Variants in USP28 observed in about 807,000 individuals in gnomAD.
USP28 encodes ubiquitin carboxyl-terminal hydrolase 28.
In USP28, 113 loss-of-function variants were observed where a neutral mutation model predicts 145.0. The ratio of observed to expected loss-of-function variants is 0.78; its 90% confidence interval spans 0.67 to 0.91. USP28 has a LOEUF of 0.91. Ranked by LOEUF, USP28 falls within the 40% of genes least tolerant of loss-of-function variation. The probability of loss-of-function intolerance (pLI) is 0.00; values close to 1 mark genes in which losing one functional copy is unlikely to be tolerated. For missense variants in USP28, 1,201 were observed against 1,289.6 expected (o/e 0.93, Z 1.05); for synonymous variants, 447 against 450.9 (o/e 0.99, Z 0.11).
intron 1 of USP28, among the ~76,000 whole-genome samples, chr11:113,859,817 G>A (rs1947458075): frequency 6.6e-6 from 1 of 152,162 alleles, no homozygotes; most frequent in Non-Finnish European, 1.5e-5. Context: ...AGAGCCAACA[G>A]GTTTGCATTT....
chr11:113,836,715 C>T (rs554034701), intron 5 of USP28, among the ~76,000 whole-genome samples: 1 of 152,308 alleles, frequency 6.6e-6, no homozygotes, highest in African/African-American at 2.4e-5. Flanking sequence ...CCATGGGTCT[C>T]TCCCTGTGCA....
intron 3 of USP28, among the ~76,000 whole-genome samples, chr11:113,849,723 G>A (rs1407773812): frequency 6.6e-6 from 1 of 152,064 alleles, no homozygotes; most frequent in African/African-American, 2.4e-5. Flanking sequence ...AGAACAAAAC[G>A]CCAATAAGAA....
At chr11:113,809,035 T>A in intron 17 of USP28, 28 bp downstream of exon 17, 1 of 1,603,308 alleles carries the variant, frequency 6.2e-7, no homozygotes, top group Non-Finnish European at 8.5e-7. Context: ...TGTTACTGGA[T>A]CACTGGCATA....
intron 12 of USP28, among the ~76,000 whole-genome samples, chr11:113,820,668 C>T (rs911998012): frequency 2.0e-5 from 3 of 152,174 alleles, no homozygotes; most frequent in Non-Finnish European, 2.9e-5. Flanking sequence ...GGACACTTAA[C>T]CAGACACAGG....
intron 21 of USP28, 120 bp downstream of exon 22, chr11:113,804,553 G>A: frequency 1.2e-6 from 1 of 816,886 alleles, no homozygotes; most frequent in Non-Finnish European, 1.9e-6. Flanking sequence ...CCAGGATTTT[G>A]AGGGGAAAGT....
rs146563434 is a variant in USP28, at chr11:113,865,540, A to G, written c.57+9905T>C. 5.3e-5 allele frequency among the ~76,000 whole-genome samples: 8 copies of G among 152,190 alleles called. No homozygotes were observed. In the East Asian group the frequency reaches 1.5e-3, roughly 29 times the overall value. On this transcript the variant is annotated intron_variant, in intron 1 of 24. Transcript: ENST00000003302. ...AATAGAACTGAGAATCCAGAAATAA[A>G]CTCGTATCTGTGGTCAACTGATTTT...
rs529534045 is a variant in USP28, at chr11:113,864,878, T to C, written c.58-10543A>G. Among the ~76,000 whole-genome samples the C allele has an allele frequency of 9.7e-4, 147 of 152,254 alleles. 1 individual carries two copies. The highest frequency in any genetic ancestry group is 1.1e-3 in the Non-Finnish European group (73 of 67,996). Reference sequence around the variant, plus strand: ...TGAAGACAGTATTGTTTTTTGGAGATGGGGTCTGTCTCTGTCACCCAGGCT... The same window carrying C: ...TGAAGACAGTATTGTTTTTTGGAGACGGGGTCTGTCTCTGTCACCCAGGCT... On this transcript the variant is annotated intron_variant, in intron 1 of 24. Coordinates refer to ENST00000003302, the Ensembl canonical transcript of USP28.
rs551574540 is a variant in USP28, at chr11:113,865,572, G to C, written c.57+9873C>G. On this transcript the variant is annotated intron_variant, in intron 1 of 24. Transcript: ENST00000003302. Reference sequence around the variant, plus strand: ...TCTGTGGTCAACTGATTTTCAACCAGAGTGCCAACACCATTTGATGGGGGA... The same window carrying C: ...TCTGTGGTCAACTGATTTTCAACCACAGTGCCAACACCATTTGATGGGGGA... Among the ~76,000 whole-genome samples the C allele has an allele frequency of 7.9e-5, 12 of 152,270 alleles. No homozygotes were observed. The South Asian group carries it at 2.5e-3, about 32-fold the overall frequency.
intron 1 of USP28, among the ~76,000 whole-genome samples, chr11:113,866,782 C>T (rs1948290394): frequency 6.6e-6 from 1 of 152,170 alleles, no homozygotes; most frequent in Admixed American, 6.5e-5. Flanking sequence ...TATGAGTCAA[C>T]AATTCCTTCT....
exon 1 of USP28, chr11:113,875,480 C>A (rs1212993989): frequency 1.6e-6 from 2 of 1,229,934 alleles, no homozygotes; most frequent in Non-Finnish European, 2.0e-6. Flanking sequence ...GCCGCGTCGT[C>A]CTGCTGCAGC....
intron 24 of USP28, among the ~76,000 whole-genome samples, chr11:113,801,280 T>A (rs564855273): frequency 2.5e-4 from 38 of 152,306 alleles, no homozygotes; most frequent in Middle Eastern, 3.4e-3. Flanking sequence ...TTGGCAGTCA[T>A]GGGGAAGCTA....
intron 7 of USP28, 144 bp downstream of exon 7, chr11:113,833,276 T>C (rs1265364805): frequency 2.6e-6 from 3 of 1,142,968 alleles, no homozygotes; most frequent in Non-Finnish European, 3.7e-6. Context: ...CCACCTGTTC[T>C]GTAGGCAAAA....
chr11:113,836,787 C>T (rs1944615507), intron 5 of USP28, among the ~76,000 whole-genome samples: 1 of 152,100 alleles, frequency 6.6e-6, no homozygotes, highest in South Asian at 2.1e-4. Context: ...ATACTTGAGC[C>T]AGAGTTGATC....
At chr11:113,850,056 T>C (rs1382729707) in intron 3 of USP28, among the ~76,000 whole-genome samples, 1 of 152,064 alleles carries the variant, frequency 6.6e-6, no homozygotes, top group Non-Finnish European at 1.5e-5. Flanking sequence ...GTAAGACCCA[T>C]GAGGGGAAGC....
At chr11:113,852,444 G>C in intron 3 of USP28, 57 bp downstream of exon 3, 1 of 1,604,178 alleles carries the variant, frequency 6.2e-7, no homozygotes, top group Non-Finnish European at 8.5e-7. Context: ...ACATATACTT[G>C]GTTTGTTATT....
chr11:113,868,594 C>T (rs894673321), intron 1 of USP28, among the ~76,000 whole-genome samples: 2 of 151,976 alleles, frequency 1.3e-5, no homozygotes, highest in South Asian at 4.2e-4. Context: ...AAGATAGAAG[C>T]AAACAGACTT....
intron 5 of USP28, among the ~76,000 whole-genome samples, chr11:113,836,442 C>T (rs751706982): frequency 6.6e-6 from 1 of 152,154 alleles, no homozygotes; most frequent in African/African-American, 2.4e-5. Context: ...CTCACACTTG[C>T]TCACAACTGC....
At chr11:113,804,711 C>T (rs748024553) in exon 21 of USP28, 3 of 1,614,182 alleles carry the variant, frequency 1.9e-6, no homozygotes, top group South Asian at 1.1e-5. Context: ...GGACCAATTT[C>T]CTTCAGTTTC....
At chr11:113,806,690 T>C in intron 18 of USP28, 106 bp from the exon 20 acceptor site, 1 of 733,588 alleles carries the variant, frequency 1.4e-6, no homozygotes. Flanking sequence ...AGCAGAGCAG[T>C]GTGCTCTTTG....
Sources: gnomAD v4.1 joint callset for allele counts (sites outside exome capture counted in the v4.1 genomes callset) on GRCh38, gnomAD v4.1.1 for gene constraint, MANE v1.5 for transcripts, NCBI Gene and HGNC (gene_info 2026-07-23, HGNC 2026-07-21) for gene names.